The following URB1 variants were observed in gnomAD, a reference collection of about 807,000 sequenced individuals.
URB1 encodes URB1 ribosome biogenesis factor.
In URB1, 197 loss-of-function variants were observed where a neutral mutation model predicts 242.3. That is an observed-to-expected ratio of 0.81 (90% confidence interval 0.72 to 0.91). The LOEUF (loss-of-function observed/expected upper bound fraction) is 0.91, where lower values mean the gene tolerates loss of function less well. URB1 is among the 40% of genes least tolerant of loss of function. URB1 has a pLI of 0.00. For synonymous variants in URB1, 1,153 were observed against 1,201.8 expected (o/e 0.96, Z 0.84); for missense variants, 2,721 against 2,860.5 (o/e 0.95, Z 1.11).
chr21:32,318,819 T>A (rs1362186678), intron 36 of URB1, among the ~76,000 whole-genome samples: 1 of 152,198 alleles, frequency 6.6e-6, no homozygotes, highest in African/African-American at 2.4e-5. Flanking sequence ...GAGGCAAGTT[T>A]GGGAACACCC....
intron 11 of URB1, 104 bp downstream of exon 11, chr21:32,363,052 C>A (rs1452101125): frequency 8.5e-6 from 12 of 1,407,032 alleles, no homozygotes; most frequent in Middle Eastern, 2.6e-4. Context: ...TCCAACCCTG[C>A]GGCTCCAAGG....
chr21:32,382,645 T>C (rs1170868891), intron 4 of URB1, among the ~76,000 whole-genome samples: 3 of 152,086 alleles, frequency 2.0e-5, no homozygotes, highest in Non-Finnish European at 4.4e-5. Context: ...ATTCTTTACG[T>C]TCAGGAAGAG....
At chr21:32,338,681 A>G in intron 26 of URB1, 26 bp downstream of exon 26, 1 of 1,549,690 alleles carries the variant, frequency 6.5e-7, no homozygotes, top group Admixed American at 2.0e-5. Context: ...TGGATACGGA[A>G]TGGAAGGGCT....
At chr21:32,317,436 G>A (rs529852591) in intron 37 of URB1, among the ~76,000 whole-genome samples, 3 of 152,298 alleles carry the variant, frequency 2.0e-5, no homozygotes, top group African/African-American at 7.2e-5. Flanking sequence ...CTTTACAGGT[G>A]AGCACCATGA....
chr21:32,314,454 G>C lies in URB1; in HGVS notation c.*464C>G. The C allele has an allele frequency of 8.8e-7, 1 of 1,136,372 alleles. No homozygotes were observed. Among genetic ancestry groups the C allele is most frequent in the South Asian group, 1.3e-5 (1 of 79,100 alleles). The allele number at this position is 1,136,372 out of a possible 1,614,324, so 70.4% of individuals were successfully genotyped here. On this transcript the variant is annotated 3_prime_UTR_variant, in exon 39 of 39. Coordinates refer to ENST00000382751, the MANE Select transcript of URB1 (RefSeq NM_014825.3). ...CCCGCCTTGGCCTCCCAAAGTGCTG[G>C]GATTATAGGCGTGAGCCACCTCACC...
At position 32,385,820 on chromosome 21, in the gene URB1, C is replaced by T. The variant is rs546579169; in HGVS notation, c.143-136G>A. The T allele has an allele frequency of 5.8e-6, 7 of 1,213,298 alleles. No individual in the cohort carries two copies. In the South Asian group the frequency reaches 8.9e-5, roughly 15 times the overall value. The allele number at this position is 1,213,298 out of a possible 1,614,324, so 75.2% of individuals were successfully genotyped here. The stretch of plus-strand genomic sequence containing the variant: ...CACTGCACAGAAGCTACTATGAATG[C>T]TATCAACTTAACTGTTTCTCTCCAA... On this transcript the variant is annotated intron_variant, in intron 1 of 38. Coordinates refer to ENST00000382751, the MANE Select transcript of URB1 (RefSeq NM_014825.3).
chr21:32,333,171 C>T (rs2032915909), intron 30 of URB1, 146 bp downstream of exon 30: 1 of 720,168 alleles, frequency 1.4e-6, no homozygotes, highest in African/African-American at 1.8e-5. Context: ...CTGGAATGAA[C>T]AGATGAGGAT....
At chr21:32,383,739 C>T (rs977178498) in intron 3 of URB1, among the ~76,000 whole-genome samples, 185 bp from the exon 4 acceptor site, 6 of 151,424 alleles carry the variant, frequency 4.0e-5, no homozygotes, top group Admixed American at 3.3e-4. Context: ...TTCAAAATAA[C>T]GCTAAAAATT....
In URB1 at chr21:32,375,153, C is replaced by T. The variant is rs188647284; in HGVS notation, c.750+245G>A. On this transcript the variant is annotated intron_variant, in intron 6 of 38. Transcript: ENST00000382751. Reference sequence around the variant, plus strand: ...ATGTTGACCAGCAGCTTTTCTGCTGCTGTAATAAAACAGCAGCCATGTCTG... The same window carrying T: ...ATGTTGACCAGCAGCTTTTCTGCTGTTGTAATAAAACAGCAGCCATGTCTG... Among the ~76,000 whole-genome samples, 163 of 148,478 alleles carry T rather than the reference C, an allele frequency of 1.1e-3. 1 individual carries two copies. Among genetic ancestry groups the T allele is most frequent in the Middle Eastern group, 7.1e-3 (2 of 282 alleles).
At chr21:32,322,041 TG>T in intron 33 of URB1, 97 bp from the exon 34 acceptor site, 1 of 1,408,980 alleles carries the variant, frequency 7.1e-7, no homozygotes, top group African/African-American at 1.4e-5. Context: ...TGGCAAAAGT[TG>T]TAACACAGCA....
At chr21:32,373,548 G>T (rs573311375) in intron 7 of URB1, 99 bp downstream of exon 7, 18 of 1,293,848 alleles carry the variant, frequency 1.4e-5, no homozygotes, top group Non-Finnish European at 1.7e-5. Context: ...TCAAATGAGG[G>T]GACTTCAAGT....
chr21:32,389,475 G>C (rs2033616405), intron 1 of URB1, among the ~76,000 whole-genome samples: 1 of 152,190 alleles, frequency 6.6e-6, no homozygotes, highest in African/African-American at 2.4e-5. Flanking sequence ...CAGCAAGAGA[G>C]ACCAACTCTG....
chr21:32,388,754 C>A (rs1223091703), intron 1 of URB1, among the ~76,000 whole-genome samples: 1 of 152,212 alleles, frequency 6.6e-6, no homozygotes, highest in Non-Finnish European at 1.5e-5. Flanking sequence ...ACTACTCACT[C>A]TTTTTTAAGG....
At position 32,324,612 on chromosome 21, in the gene URB1, AG is replaced by A. The variant is rs1366574803; in HGVS notation, c.5122-11del. The A allele has an allele frequency of 4.5e-6, 7 of 1,539,972 alleles. No individual in the cohort carries two copies. The South Asian group carries it at 8.3e-5, about 18-fold the overall frequency. On this transcript the variant is annotated splice_polypyrimidine_tract_variant and intron_variant, in intron 31 of 38. Transcript: ENST00000382751. ...CCAACAGGTAAAGTAGCTTGAAAACAGAACAGAAAAGGAAAATGTAAGATGA... is the reference window on the plus strand; with the variant it reads ...CCAACAGGTAAAGTAGCTTGAAAACAAACAGAAAAGGAAAATGTAAGATGA...
In URB1 at chr21:32,357,637, A is replaced by G; in HGVS notation, c.1889T>C (p.Ile630Thr). Residue 630 changes from isoleucine to threonine, a missense_variant, in exon 15 of 39, where the codon ATT (isoleucine) becomes ACT (threonine). Ile to Thr is a moderately conservative substitution (Grantham distance 89). Transcript: ENST00000382751. ...LKAQEGPDAEIIGGERSVFYL... is the reference protein window; with the variant it reads ...LKAQEGPDAETIGGERSVFYL... ...AAATACTGATCGTTCACCTCCAATAATTTCTGCATCTGGGCCTTCCTAGAG... is the reference window on the plus strand; with the variant it reads ...AAATACTGATCGTTCACCTCCAATAGTTTCTGCATCTGGGCCTTCCTAGAG... 2.0e-6 allele frequency: 3 copies of G among 1,503,516 alleles called. No homozygotes were observed. Among genetic ancestry groups the G allele is most frequent in the South Asian group, 1.4e-5 (1 of 72,568 alleles). The allele number at this position is 1,503,516 out of a possible 1,614,324, so 93.1% of individuals were successfully genotyped here.
At chr21:32,383,144 C>T (rs2033545152) in intron 4 of URB1, among the ~76,000 whole-genome samples, 1 of 152,188 alleles carries the variant, frequency 6.6e-6, no homozygotes, top group Non-Finnish European at 1.5e-5. Flanking sequence ...ACAGCTAAGT[C>T]ATCCTCACAA....
chr21:32,347,686 G>C lies in URB1; in HGVS notation c.3138C>G (p.Thr1046=), dbSNP rs957501770. 1.3e-6 allele frequency: 2 copies of C among 1,551,452 alleles called. No homozygotes were observed. The highest frequency in any genetic ancestry group is 1.7e-6 in the Non-Finnish European group (2 of 1,147,010). ...LSPVLVKLLA[T]HFSAGVLQLL... is the part of the protein sequence containing the mutation. ...GCTGAAGGACCCCTGCACTAAAGTG[G>C]GTGGCCAGGAGCTTCACGAGGACAG... Residue 1046 remains threonine, a synonymous_variant, in exon 22 of 39, where the codon ACC becomes ACG. Coordinates refer to ENST00000382751, the MANE Select transcript of URB1 (RefSeq NM_014825.3).
chr21:32,314,674 A>G lies in URB1; in HGVS notation c.*244T>C, dbSNP rs747254266. On this transcript the variant is annotated 3_prime_UTR_variant, in exon 39 of 39. Coordinates refer to ENST00000382751, the MANE Select transcript of URB1 (RefSeq NM_014825.3). ...CCTGACGAGGCACTGGATGGGCCTC[A>G]TGGCCTAGAAGTCCCCACATTCCTT... The G allele has an allele frequency of 1.4e-5, 23 of 1,601,424 alleles. No homozygotes were observed. The highest frequency in any genetic ancestry group is 2.0e-5 in the Non-Finnish European group (23 of 1,168,484).
chr21:32,352,110 T>C (rs1182508325), intron 19 of URB1, among the ~76,000 whole-genome samples: 2 of 152,236 alleles, frequency 1.3e-5, no homozygotes, highest in South Asian at 2.1e-4. Flanking sequence ...GGGTCTAAAC[T>C]GACTGCTTTT....
Sources: gnomAD v4.1 joint callset for allele counts (sites outside exome capture counted in the v4.1 genomes callset) on GRCh38, gnomAD v4.1.1 for gene constraint, MANE v1.5 for transcripts, NCBI Gene and HGNC (gene_info 2026-07-23, HGNC 2026-07-21) for gene names.